RFX6: variants seen among roughly 807,000 people sequenced by gnomAD.
RFX6 encodes DNA-binding protein RFX6.
Under a neutral mutation model 110.8 loss-of-function variants are expected in RFX6, and 50 were observed. The ratio of observed to expected loss-of-function variants is 0.45; its 90% CI spans 0.36 to 0.57. The LOEUF (loss-of-function observed/expected upper bound fraction) is 0.57, where lower values mean the gene tolerates loss of function less well. RFX6 is among the 20% of genes least tolerant of loss of function. The pLI is 0.00. For synonymous variants in RFX6, 383 were observed against 411.2 expected (o/e 0.93, Z 0.83); for missense variants, 990 against 1,127.0 (o/e 0.88, Z 1.74).
At position 116,931,550 on chromosome 6, in the gene RFX6, C is replaced by T. The variant is rs757444461; in HGVS notation, c.*44C>T. On this transcript the variant is annotated 3_prime_UTR_variant, in exon 19 of 19. Coordinates refer to ENST00000332958, the MANE Select transcript of RFX6 (RefSeq NM_173560.4). ...GGTGCTAAAACTTTAAAAAAAATCTCTACTGTGCAAATATCATTATTCACT... is the reference window on the plus strand; with the variant it reads ...GGTGCTAAAACTTTAAAAAAAATCTTTACTGTGCAAATATCATTATTCACT... 5.1e-6 allele frequency: 7 copies of T among 1,366,634 alleles called. 1 individual carries two copies. The highest frequency in any genetic ancestry group is 6.2e-6 in the Non-Finnish European group (6 of 967,658). The allele number at this position is 1,366,634 out of a possible 1,614,324, so 84.7% of individuals were successfully genotyped here. A position where few individuals can be genotyped will look rare whatever the true frequency, so the allele number is the denominator to read the frequency against.
intron 7 of RFX6, among the ~76,000 whole-genome samples, chr6:116,914,987 C>T (rs1775432239): frequency 1.3e-5 from 2 of 152,108 alleles, no homozygotes; most frequent in Admixed American, 6.5e-5. Flanking sequence ...TAGTAAGTGG[C>T]AAATTAGAGC....
chr6:116,928,080 TAA>T (rs34807787), intron 17 of RFX6, among the ~76,000 whole-genome samples: 2 of 143,920 alleles, frequency 1.4e-5, no homozygotes, highest in African/African-American at 2.6e-5. Context: ...CCGCATATGT[TAA>T]AAAAAAAAAA....
intron 7 of RFX6, among the ~76,000 whole-genome samples, chr6:116,915,771 C>T (rs1308971336): frequency 3.7e-4 from 56 of 151,930 alleles, no homozygotes; most frequent in Non-Finnish European, 2.4e-4. Flanking sequence ...GTCCATAGTA[C>T]TCTGAAAAAT....
At position 116,928,967 on chromosome 6, in the gene RFX6, C is replaced by A. The variant is rs760218020; in HGVS notation, c.2607C>A (p.Val869=). 6.3e-7 allele frequency: 1 copy of A among 1,594,968 alleles called. No homozygotes were observed. The highest frequency in any genetic ancestry group is 1.1e-5 in the South Asian group (1 of 90,684). Residue 869 remains valine, a synonymous_variant, in exon 18 of 19, where the codon GTC becomes GTA. Coordinates refer to ENST00000332958, the MANE Select transcript of RFX6 (RefSeq NM_173560.4). ...TSSPVACRTP[V]LASSLQTPIP... ...CTCCAGTTGCATGTCGAACTCCAGT[C>A]CTAGGTAAATTATTTTAGCAGTTCT...
chr6:116,899,113 C>A, intron 6 of RFX6, among the ~76,000 whole-genome samples: 1 of 151,574 alleles, frequency 6.6e-6, no homozygotes, highest in Non-Finnish European at 1.5e-5. Flanking sequence ...TGGCATGAGC[C>A]AGAAGAAATG....
intron 17 of RFX6, among the ~76,000 whole-genome samples, chr6:116,928,277 G>A (rs1016995614): frequency 6.6e-6 from 1 of 152,126 alleles, no homozygotes; most frequent in Non-Finnish European, 1.5e-5. Context: ...CTGTGACCTT[G>A]AGTCACCAAA....
Position 116,916,200 on chromosome 6 carries a change from G to T in RFX6, c.859-1G>T. 1 of 1,609,618 alleles carries T rather than the reference G, an allele frequency of 6.2e-7. No individual in the cohort carries two copies. The highest frequency in any genetic ancestry group is 2.2e-5 in the East Asian group (1 of 44,780). ...TAACATACTTTTTACTCTGCAACTA[G>T]ATCCAGCATTTTTTATTACACTTTT... On this transcript the variant is annotated splice_acceptor_variant, in intron 8 of 18. Transcript: ENST00000332958. LOFTEE classifies it high-confidence loss of function.
chr6:116,877,881 C>T lies in RFX6; in HGVS notation c.309C>T (p.Tyr103=), dbSNP rs1774498841. ...HDSKTKAADQ[Y]LSQKKTITQI... Reference sequence around the variant, plus strand: ...GCAAAACCAAAGCAGCGGATCAATACCTGTCTCAGAAGAAAACCATCACGC... The same window carrying T: ...GCAAAACCAAAGCAGCGGATCAATATCTGTCTCAGAAGAAAACCATCACGC... The change falls in exon 2 of 19, where the codon TAC becomes TAT. Residue 103 remains tyrosine, a synonymous_variant. Transcript: ENST00000332958. 1 of 1,613,948 alleles carries T rather than the reference C, an allele frequency of 6.2e-7. No individual in the cohort carries two copies. Among genetic ancestry groups the T allele is most frequent in the Non-Finnish European group, 8.5e-7 (1 of 1,179,968 alleles).
intron 17 of RFX6, 107 bp downstream of exon 17, chr6:116,927,646 T>C: frequency 1.1e-6 from 1 of 891,448 alleles, no homozygotes; most frequent in Non-Finnish European, 1.8e-6. Context: ...ATTTAAGGCT[T>C]CCAAAGATCA....
At position 116,928,752 on chromosome 6, in the gene RFX6, G is replaced by A. The variant is rs762255296; in HGVS notation, c.2399-7G>A. Reference sequence around the variant, plus strand: ...TAACAGCAAATTCTCAACATTTTCTGTTACAGGATACTATGGAAGCAACAT... The same window carrying A: ...TAACAGCAAATTCTCAACATTTTCTATTACAGGATACTATGGAAGCAACAT... On this transcript the variant is annotated splice_region_variant and splice_polypyrimidine_tract_variant and intron_variant, in intron 17 of 18. Transcript: ENST00000332958. 33 of 1,603,812 alleles carry A rather than the reference G, an allele frequency of 2.1e-5. No individual in the cohort carries two copies. Among genetic ancestry groups the A allele is most frequent in the Non-Finnish European group, 8.5e-7 (1 of 1,170,790 alleles).
chr6:116,883,163 CTT>C (rs1397105505), intron 4 of RFX6, among the ~76,000 whole-genome samples: 1 of 152,148 alleles, frequency 6.6e-6, no homozygotes, highest in East Asian at 1.9e-4. Flanking sequence ...TGTTGCTTCC[CTT>C]ACCACTGATC....
At chr6:116,880,086 C>T (rs1774554593) in intron 2 of RFX6, among the ~76,000 whole-genome samples, 1 of 151,946 alleles carries the variant, frequency 6.6e-6, no homozygotes, top group Non-Finnish European at 1.5e-5. Flanking sequence ...CATTGTCCTT[C>T]CCTAATTATT....
At position 116,923,122 on chromosome 6, in the gene RFX6, G is replaced by A. The variant is rs768220475; in HGVS notation, c.1453G>A (p.Gly485Arg). 6.3e-7 allele frequency: 1 copy of A among 1,597,422 alleles called. No individual in the cohort carries two copies. The highest frequency in any genetic ancestry group is 2.2e-5 in the East Asian group (1 of 44,728). ...TTACTTTTAGACCAGCAAACAAAAT[G>A]GAAGGTCATTAAAGAAGAGAGCTCA... ...QRVIKTSKQNGRSLKKRAQDF... is the reference protein window; with the variant it reads ...QRVIKTSKQNRRSLKKRAQDF... Residue 485 changes from glycine to arginine, a missense_variant, in exon 14 of 19, where the codon GGA becomes AGA. By Grantham distance (125) the Gly-to-Arg change is moderately radical. This residue lies in a region of RFX6 where 89 missense variants were observed against 140.3 expected (regional missense o/e 0.63). Coordinates refer to ENST00000332958, the MANE Select transcript of RFX6 (RefSeq NM_173560.4).
At position 116,927,513 on chromosome 6, in the gene RFX6, C is replaced by T; in HGVS notation, c.2372C>T (p.Ala791Val). The T allele has an allele frequency of 6.2e-7, 1 of 1,613,772 alleles. No individual in the cohort carries two copies. Among genetic ancestry groups the T allele is most frequent in the Non-Finnish European group, 8.5e-7 (1 of 1,179,996 alleles). ...ACAGGAGCTGCCAGCTGCCAAGGAGCAACACTGCCTCCTAATTCACCAAAT... is the reference window on the plus strand; with the variant it reads ...ACAGGAGCTGCCAGCTGCCAAGGAGTAACACTGCCTCCTAATTCACCAAAT... The part of the protein sequence containing the change: ...SNTGAASCQG[A>V]TLPPNSPNGY... Residue 791 changes from alanine (A) to valine (V), a missense_variant, in exon 17 of 19, where the codon GCA (alanine) becomes GTA (valine). Ala to Val is a moderately conservative substitution (Grantham distance 64). This residue lies in a region of RFX6 where 438 missense variants were observed against 441.9 expected (regional missense o/e 0.99). Coordinates refer to ENST00000332958, the MANE Select transcript of RFX6 (RefSeq NM_173560.4).
chr6:116,892,447 A>G (rs442025), intron 4 of RFX6, among the ~76,000 whole-genome samples: 107,805 of 152,094 alleles, frequency 0.71, 38,488 homozygotes, highest in East Asian at 0.88. Context: ...TCTTGGGCCT[A>G]TATTGGGCAT....
chr6:116,890,272 C>T (rs1048751749), intron 4 of RFX6, among the ~76,000 whole-genome samples: 3 of 151,970 alleles, frequency 2.0e-5, no homozygotes, highest in East Asian at 1.9e-4. Flanking sequence ...CTCTACTTGC[C>T]GGCTGCTGTG....
At chr6:116,902,928 T>C (rs1390189106) in intron 6 of RFX6, among the ~76,000 whole-genome samples, 1 of 152,082 alleles carries the variant, frequency 6.6e-6, no homozygotes, top group Non-Finnish European at 1.5e-5. Context: ...CTTCTAGTCA[T>C]ATTTGTTTCT....
chr6:116,915,704 A>G (rs1020149217), intron 7 of RFX6, among the ~76,000 whole-genome samples: 1 of 152,080 alleles, frequency 6.6e-6, no homozygotes, highest in Non-Finnish European at 1.5e-5. Context: ...ATTTAAATTA[A>G]AAATTAAATT....
chr6:116,921,939 A>C, intron 12 of RFX6, 103 bp from the exon 13 acceptor site: 1 of 677,532 alleles, frequency 1.5e-6, no homozygotes, highest in South Asian at 1.6e-5. Context: ...CTTTCATGCT[A>C]TCAAAGTATT....
Sources: allele counts gnomAD v4.1 joint callset (sites outside exome capture counted in the v4.1 genomes callset), GRCh38; gene constraint gnomAD v4.1.1; regional missense constraint gnomAD v4.1.1; transcripts MANE v1.5; gene names NCBI Gene and HGNC (gene_info 2026-07-23, HGNC 2026-07-21).